Variants in RARB observed in about 807,000 individuals in gnomAD.
RARB encodes HBV-activated protein.
RARB carries 17 observed loss-of-function variants against 51.9 expected under a neutral mutation model. The ratio of observed to expected loss-of-function variants is 0.33; its 90% CI spans 0.22 to 0.49. The LOEUF (loss-of-function observed/expected upper bound fraction) is 0.49. Among genes scored for constraint, RARB ranks in the 20% least tolerant of loss-of-function variants. The pLI, the probability that RARB is intolerant of heterozygous loss-of-function variation, is 0.99. For missense variants in RARB, 369 were observed against 550.8 expected, an observed-to-expected ratio of 0.67 and a Z score of 3.30; for synonymous variants, 215 against 195.4, an observed-to-expected ratio of 1.10 and a Z score of -0.84.
intron 2 of RARB, among the ~76,000 whole-genome samples, chr3:25,056,345 A>G (rs1458023897): frequency 6.6e-6 from 1 of 152,150 alleles, no homozygotes; most frequent in African/African-American, 2.4e-5. Context: ...ATCTAAAAGC[A>G]ATAAAATTCA....
intron 2 of RARB, among the ~76,000 whole-genome samples, chr3:24,917,641 C>T (rs1271559939): frequency 6.6e-6 from 1 of 152,222 alleles, no homozygotes; most frequent in African/African-American, 2.4e-5. Flanking sequence ...AGCGATTCTC[C>T]TGCCTCAGCC....
intron 1 of RARB, among the ~76,000 whole-genome samples, chr3:25,442,116 T>TTTTATTTA (rs148774111): frequency 0.013 from 1,936 of 147,810 alleles, 35 homozygotes; most frequent in African/African-American, 0.039. Context: ...TTTATTTTAT[T>TTTTATTTA]TTTATTTATT....
At chr3:25,306,042 G>C (rs1171359991) in intron 5 of RARB, among the ~76,000 whole-genome samples, 1 of 152,174 alleles carries the variant, frequency 6.6e-6, no homozygotes, top group African/African-American at 2.4e-5. Flanking sequence ...GAGTTTGGTA[G>C]TGTTAGCCTG....
intron 1 of RARB, among the ~76,000 whole-genome samples, chr3:25,447,223 CT>C (rs200309686): frequency 3.7e-3 from 544 of 145,960 alleles, no homozygotes; most frequent in East Asian, 0.012. Context: ...TTTTTTAATT[CT>C]TTTTTTTTTT....
intron 2 of RARB, among the ~76,000 whole-genome samples, chr3:25,031,152 C>T (rs983180279): frequency 1.4e-4 from 22 of 152,186 alleles, no homozygotes; most frequent in Admixed American, 1.3e-3. Context: ...GCACCACCCT[C>T]GCCAAGTTGT....
intron 3 of RARB, among the ~76,000 whole-genome samples, chr3:25,541,369 G>A (rs764229290): frequency 1.3e-5 from 2 of 151,926 alleles, no homozygotes; most frequent in Non-Finnish European, 2.9e-5. Flanking sequence ...TCTTTTTTCT[G>A]TCTTTCGTTC....
chr3:25,490,299 T>G (rs1007255369), intron 2 of RARB, among the ~76,000 whole-genome samples: 1 of 152,224 alleles, frequency 6.6e-6, no homozygotes, highest in African/African-American at 2.4e-5. Flanking sequence ...TATTTTTCTG[T>G]ACTAATTTAG....
chr3:25,259,144 A>G, intron 5 of RARB: 5 of 882,064 alleles, frequency 5.7e-6, no homozygotes, highest in Non-Finnish European at 6.8e-6. Context: ...AACACTATTT[A>G]ATAATATAGT....
intron 2 of RARB, among the ~76,000 whole-genome samples, chr3:25,483,090 G>A (rs1022468359): frequency 2.0e-5 from 3 of 152,278 alleles, no homozygotes; most frequent in Middle Eastern, 3.4e-3. Flanking sequence ...GGACAGAACA[G>A]CCCTGGATCA....
chr3:25,447,462 C>G (rs1410519213), intron 1 of RARB, among the ~76,000 whole-genome samples: 1 of 152,156 alleles, frequency 6.6e-6, no homozygotes, highest in Non-Finnish European at 1.5e-5. Flanking sequence ...CTTTATAAAC[C>G]AGCATGTATC....
At chr3:25,394,647 T>C (rs1281540270) in intron 5 of RARB, among the ~76,000 whole-genome samples, 1 of 152,212 alleles carries the variant, frequency 6.6e-6, no homozygotes, top group Non-Finnish European at 1.5e-5. Context: ...TTTATAATTA[T>C]GTAATGCCTC....
At chr3:25,241,195 C>T (rs762855416) in intron 5 of RARB, among the ~76,000 whole-genome samples, 2 of 152,148 alleles carry the variant, frequency 1.3e-5, no homozygotes, top group Non-Finnish European at 2.9e-5. Context: ...CTGGAACATG[C>T]TGTTTCATTT....
intron 2 of RARB, among the ~76,000 whole-genome samples, chr3:25,469,149 T>A (rs545578744): frequency 6.6e-6 from 1 of 152,254 alleles, no homozygotes; most frequent in Non-Finnish European, 1.5e-5. Flanking sequence ...CTCATCTCCA[T>A]GACAGCGTTC....
intron 2 of RARB, among the ~76,000 whole-genome samples, chr3:25,468,396 T>TTTTTTTTTA (rs58115094): frequency 6.9e-6 from 1 of 144,064 alleles, no homozygotes; most frequent in Non-Finnish European, 1.5e-5. Context: ...TTTTTTTTTT[T>TTTTTTTTTA]AACCCATAGC....
intron 5 of RARB, among the ~76,000 whole-genome samples, chr3:25,252,061 A>T (rs1439643342): frequency 2.0e-5 from 3 of 151,962 alleles, no homozygotes; most frequent in African/African-American, 7.2e-5. Flanking sequence ...GTCTAATCTT[A>T]CTCTTTTACA....
At chr3:25,161,655 C>G (rs1700474821) in intron 4 of RARB, among the ~76,000 whole-genome samples, 1 of 152,186 alleles carries the variant, frequency 6.6e-6, no homozygotes, top group Non-Finnish European at 1.5e-5. Flanking sequence ...CACCATTTTG[C>G]CTTCCCACTT....
intron 2 of RARB, among the ~76,000 whole-genome samples, chr3:24,892,651 T>A (rs376859609): frequency 6.6e-6 from 1 of 152,242 alleles, no homozygotes; most frequent in African/African-American, 2.4e-5. Flanking sequence ...TCTGGAATTA[T>A]GATTCTAGCA....
intron 4 of RARB, among the ~76,000 whole-genome samples, chr3:25,153,152 G>A (rs1700319209): frequency 6.6e-6 from 1 of 152,016 alleles, no homozygotes; most frequent in South Asian, 2.1e-4. Flanking sequence ...GTGTGTGTGT[G>A]TGTGTGTGCA....
chr3:25,287,491 G>A (rs1703683964), intron 5 of RARB, among the ~76,000 whole-genome samples: 1 of 152,164 alleles, frequency 6.6e-6, no homozygotes, highest in African/African-American at 2.4e-5. Flanking sequence ...TAGGAGGGCA[G>A]GAGGGGGAAG....
Sources: allele counts gnomAD v4.1 joint callset (sites outside exome capture counted in the v4.1 genomes callset), GRCh38; gene constraint gnomAD v4.1.1; transcripts MANE v1.5; gene names NCBI Gene and HGNC (gene_info 2026-07-23, HGNC 2026-07-21).